The following WAC variants were observed in gnomAD, a reference collection of about 807,000 sequenced individuals.
The protein encoded by WAC is WW domain containing adaptor with coiled-coil, also known as WW domain-containing adapter protein with coiled-coil.
WAC carries 11 observed loss-of-function variants against 79.6 expected under a neutral mutation model. The ratio of observed to expected loss-of-function variants is 0.14; its 90% CI spans 0.09 to 0.23. WAC has a LOEUF of 0.23. WAC is among the 10% of genes least tolerant of loss of function. The pLI, the probability that WAC is intolerant of heterozygous loss-of-function variation, is 1.00. For missense variants in WAC, 728 were observed against 773.5 expected, an observed-to-expected ratio of 0.94 and a Z score of 0.70; for synonymous variants, 304 against 276.9, an observed-to-expected ratio of 1.10 and a Z score of -0.97.
At chr10:28,595,672 A>G (rs2132707995) in intron 6 of WAC, 61 bp from the exon 7 acceptor site, 1 of 1,497,486 alleles carries the variant, frequency 6.7e-7, no homozygotes, top group Middle Eastern at 1.8e-4. Flanking sequence ...ATTCTAATGT[A>G]ATCTTTTTTC....
At chr10:28,585,358 A>G (rs1022699964) in intron 4 of WAC, among the ~76,000 whole-genome samples, 3 of 152,058 alleles carry the variant, frequency 2.0e-5, no homozygotes, top group African/African-American at 7.2e-5. Context: ...CCTGCCTTTC[A>G]TTCGTCTAAT....
intron 7 of WAC, among the ~76,000 whole-genome samples, chr10:28,599,421 C>G (rs188192290): frequency 2.6e-5 from 4 of 152,112 alleles, no homozygotes; most frequent in African/African-American, 9.6e-5. Context: ...TTGTAGATGC[C>G]TATACAACAG....
At chr10:28,584,012 T>A (rs1328162923) in intron 4 of WAC, among the ~76,000 whole-genome samples, 1 of 152,262 alleles carries the variant, frequency 6.6e-6, no homozygotes, top group Admixed American at 6.5e-5. Context: ...TTATTTATTT[T>A]GAATTTTAAG....
chr10:28,618,267 A>G (rs12258089), intron 13 of WAC, among the ~76,000 whole-genome samples: 4,507 of 152,318 alleles, frequency 0.03, 230 homozygotes, highest in African/African-American at 0.1. Context: ...CTAGGTCACA[A>G]TAATAATAGC....
At chr10:28,532,832 C>T (rs1378216129), upstream of WAC, 1 of 153,012 alleles carries the variant, frequency 6.5e-6, no homozygotes, top group East Asian at 1.9e-4. Flanking sequence ...AGGCGGCTCC[C>T]TCCCTGCGCA....
At chr10:28,612,106 G>C (rs901911732) in intron 10 of WAC, among the ~76,000 whole-genome samples, 184 bp downstream of exon 10, 4 of 152,180 alleles carry the variant, frequency 2.6e-5, no homozygotes, top group African/African-American at 9.7e-5. Flanking sequence ...GGGGGGCTTT[G>C]AATCTGTGCT....
intron 3 of WAC, among the ~76,000 whole-genome samples, chr10:28,557,751 C>G (rs1439391524): frequency 6.6e-6 from 1 of 152,062 alleles, no homozygotes; most frequent in African/African-American, 2.4e-5. Flanking sequence ...GAAAAAATGT[C>G]TTTGGATAGA....
intron 7 of WAC, among the ~76,000 whole-genome samples, chr10:28,602,258 A>G (rs1343371944): frequency 6.6e-6 from 1 of 152,220 alleles, no homozygotes; most frequent in Non-Finnish European, 1.5e-5. Context: ...TTTTGTGTGT[A>G]TTAACATGAA....
At chr10:28,617,869 T>G in intron 13 of WAC, 85 bp downstream of exon 13, 1 of 1,399,262 alleles carries the variant, frequency 7.1e-7, no homozygotes, top group African/African-American at 1.5e-5. Flanking sequence ...CACATTTTAT[T>G]TATGAAATGT....
intron 3 of WAC, among the ~76,000 whole-genome samples, chr10:28,578,952 A>G (rs1366485706): frequency 6.6e-6 from 1 of 152,100 alleles, no homozygotes; most frequent in Admixed American, 6.6e-5. Flanking sequence ...TTTGCTCACC[A>G]TTTAAGTTCT....
At chr10:28,594,442 A>G (rs1377046390) in intron 6 of WAC, among the ~76,000 whole-genome samples, 2 of 152,238 alleles carry the variant, frequency 1.3e-5, no homozygotes, top group Non-Finnish European at 2.9e-5. Context: ...CTTATATATT[A>G]CTATCATACA....
At chr10:28,558,539 T>C (rs1838123985) in intron 3 of WAC, among the ~76,000 whole-genome samples, 1 of 152,210 alleles carries the variant, frequency 6.6e-6, no homozygotes, top group Non-Finnish European at 1.5e-5. Flanking sequence ...TTTTGAGTTA[T>C]GTGTAGCAAT....
chr10:28,585,986 T>G (rs7068820), intron 4 of WAC, among the ~76,000 whole-genome samples: 4,535 of 152,280 alleles, frequency 0.03, 230 homozygotes, highest in African/African-American at 0.1. Flanking sequence ...AGACCATTAC[T>G]AGAATAGATA....
chr10:28,610,997 CCTTT>C (rs1181453902), intron 9 of WAC, 176 bp downstream of exon 9: 6 of 676,046 alleles, frequency 8.9e-6, no homozygotes, highest in East Asian at 3.0e-5. Flanking sequence ...ATTTTTATTT[CCTTT>C]CTTTTTAGAT....
intron 3 of WAC, among the ~76,000 whole-genome samples, chr10:28,564,918 G>A (rs1838514661): frequency 6.6e-6 from 1 of 152,048 alleles, no homozygotes; most frequent in Non-Finnish European, 1.5e-5. Flanking sequence ...AATACGTTAA[G>A]GTGACTACCG....
At chr10:28,574,936 A>G (rs1332357654) in intron 3 of WAC, among the ~76,000 whole-genome samples, 1 of 152,132 alleles carries the variant, frequency 6.6e-6, no homozygotes, top group African/African-American at 2.4e-5. Context: ...ACACAAGTAG[A>G]TGTTTGAATG....
At chr10:28,534,950 T>G (rs1249681302) in intron 2 of WAC, among the ~76,000 whole-genome samples, 1 of 152,224 alleles carries the variant, frequency 6.6e-6, no homozygotes, top group East Asian at 1.9e-4. Context: ...AGAATAAAGC[T>G]AAACGATTAT....
intron 3 of WAC, among the ~76,000 whole-genome samples, chr10:28,560,347 C>T (rs936699913): frequency 1.3e-5 from 2 of 152,006 alleles, no homozygotes; most frequent in African/African-American, 2.4e-5. Flanking sequence ...GGCAACAAAG[C>T]GAGATCCTGT....
chr10:28,583,359 C>T, intron 3 of WAC, 40 bp from the exon 4 acceptor site: 3 of 1,405,680 alleles, frequency 2.1e-6, no homozygotes, highest in African/African-American at 1.5e-5. Flanking sequence ...ACATGAAATA[C>T]AGTTTACTTG....
Sources: gnomAD v4.1 joint callset for allele counts (sites outside exome capture counted in the v4.1 genomes callset) on GRCh38, gnomAD v4.1.1 for gene constraint, MANE v1.5 for transcripts, NCBI Gene and HGNC (gene_info 2026-07-23, HGNC 2026-07-21) for gene names.